Variants in RBFOX3 observed in about 807,000 individuals in gnomAD.
RBFOX3 encodes the protein RNA binding fox-1 homolog 3, also known as RNA binding protein fox-1 homolog 3.
A neutral mutation model predicts 48.7 loss-of-function variants in RBFOX3; 17 were observed. The ratio of observed to expected loss-of-function variants is 0.35; its 90% confidence interval spans 0.24 to 0.52. The LOEUF (loss-of-function observed/expected upper bound fraction) is 0.52, where lower values mean the gene tolerates loss of function less well. RBFOX3 is among the 20% of genes least tolerant of loss of function. The pLI, the probability that RBFOX3 is intolerant of heterozygous loss-of-function variation, is 0.94. For missense variants in RBFOX3, 382 were observed against 497.5 expected, an observed-to-expected ratio of 0.77 and a Z score of 2.21; for synonymous variants, 212 against 209.5, an observed-to-expected ratio of 1.01 and a Z score of -0.10.
intron 3 of RBFOX3, among the ~76,000 whole-genome samples, chr17:79,277,309 G>GC (rs1462007613): frequency 3.5e-5 from 5 of 142,112 alleles, no homozygotes; most frequent in South Asian, 2.3e-4. Context: ...GGGGAGGGGG[G>GC]GGGTAGTGCT....
chr17:79,634,292 G>A, the RBFOX3 span, among the ~76,000 whole-genome samples: 1 of 152,228 alleles, frequency 6.6e-6, no homozygotes, highest in Non-Finnish European at 1.5e-5. Context: ...TGGTGAGCAG[G>A]AAAGGCTGGG....
At chr17:79,093,687 C>T (rs1170377601) in intron 14 of RBFOX3, among the ~76,000 whole-genome samples, 5 of 152,156 alleles carry the variant, frequency 3.3e-5, no homozygotes, top group Non-Finnish European at 5.9e-5. Flanking sequence ...AGCTAAAACC[C>T]GTGTTCACAC....
rs938022784 is a variant in RBFOX3 at position 79,391,053 on chromosome 17, C to G, written c.-174-83229G>C. ...TGTCTCTTCAAAGTCTCTCTTCTAC[C>G]CACTGCCATGGGAGCCTTCGCACCT... On this transcript the variant is annotated intron_variant, in intron 2 of 14. Transcript: ENST00000693108. This position sits in a 1 kb window ranked among gnomAD's most constrained non-coding sequence, Gnocchi z 5.0. Among the ~76,000 whole-genome samples, 1 of 152,210 alleles carries G rather than the reference C, an allele frequency of 6.6e-6. No homozygotes were observed. The highest frequency in any genetic ancestry group is 1.5e-5 in the Non-Finnish European group (1 of 68,038).
At chr17:79,512,551 C>T (rs1168363377) in intron 1 of RBFOX3, among the ~76,000 whole-genome samples, 1 of 149,302 alleles carries the variant, frequency 6.7e-6, no homozygotes, top group Non-Finnish European at 1.5e-5. Flanking sequence ...GGTACAGCCC[C>T]ATGGCCAGGG....
chr17:79,092,623 C>T (rs1453173422), intron 14 of RBFOX3: 8 of 987,562 alleles, frequency 8.1e-6, no homozygotes, highest in Non-Finnish European at 2.4e-6. Context: ...CGGCTGTACC[C>T]TCCTCGGCAG....
At chr17:79,394,069 C>T (rs9747124) in intron 2 of RBFOX3, among the ~76,000 whole-genome samples, 3 of 149,550 alleles carry the variant, frequency 2.0e-5, no homozygotes, top group Middle Eastern at 7.0e-3. Context: ...CATCCGAGCC[C>T]GTCATCATAC....
intron 2 of RBFOX3, among the ~76,000 whole-genome samples, chr17:79,341,760 C>A (rs188348048): frequency 6.0e-4 from 92 of 152,326 alleles, no homozygotes; most frequent in Middle Eastern, 3.4e-3. Context: ...CCTGCATAAC[C>A]ATCTTAACAG....
intron 14 of RBFOX3, chr17:79,092,476 C>T (rs558656748): frequency 1.9e-5 from 19 of 985,898 alleles, no homozygotes; most frequent in African/African-American, 1.2e-4. Context: ...GGGGGCCAGC[C>T]GTGCGTGTCG....
chr17:79,142,657 C>T (rs1485873444), intron 4 of RBFOX3, among the ~76,000 whole-genome samples: 1 of 152,140 alleles, frequency 6.6e-6, no homozygotes, highest in East Asian at 1.9e-4. Flanking sequence ...CGTAGACTGG[C>T]TGGCCAGCTG....
At chr17:79,164,447 C>A (rs142735221) in intron 4 of RBFOX3, among the ~76,000 whole-genome samples, 1 of 152,106 alleles carries the variant, frequency 6.6e-6, no homozygotes, top group Non-Finnish European at 1.5e-5. Flanking sequence ...AGGGGCTCTG[C>A]GGCCTGGTGA....
At chr17:79,163,073 C>A (rs1462469899) in intron 4 of RBFOX3, among the ~76,000 whole-genome samples, 2 of 152,172 alleles carry the variant, frequency 1.3e-5, no homozygotes, top group Non-Finnish European at 2.9e-5. Context: ...CACCTCACTG[C>A]CAAGCTGAAA....
intron 3 of RBFOX3, among the ~76,000 whole-genome samples, chr17:79,281,717 T>C (rs2070577502): frequency 6.6e-6 from 1 of 152,268 alleles, no homozygotes; most frequent in African/African-American, 2.4e-5. Context: ...CAATGGTGTA[T>C]GCATTTAACT....
chr17:79,157,288 T>C (rs909965863), intron 4 of RBFOX3, among the ~76,000 whole-genome samples: 3 of 152,200 alleles, frequency 2.0e-5, no homozygotes, highest in African/African-American at 4.8e-5. Context: ...CTGTCCACTC[T>C]GCAGCTGGCC....
At chr17:79,389,242 C>T (rs978461097) in intron 2 of RBFOX3, among the ~76,000 whole-genome samples, 2 of 152,170 alleles carry the variant, frequency 1.3e-5, no homozygotes, top group Non-Finnish European at 2.9e-5. Flanking sequence ...TGGTGTGCAA[C>T]GAGAGTTGGT....
chr17:79,284,225 G>A (rs188021768), intron 3 of RBFOX3, among the ~76,000 whole-genome samples: 3 of 152,198 alleles, frequency 2.0e-5, no homozygotes, highest in Admixed American at 6.5e-5. Flanking sequence ...CGTGAGCATC[G>A]GCACGAGTGG....
intron 3 of RBFOX3, among the ~76,000 whole-genome samples, chr17:79,293,462 T>TCCTTC (rs1307383167): frequency 8.5e-4 from 84 of 98,660 alleles, no homozygotes; most frequent in African/African-American, 3.9e-3. Flanking sequence ...CTTCCTTCCT[T>TCCTTC]CCTTCCCTTC....
At chr17:79,319,434 C>A (rs1426572355) in intron 2 of RBFOX3, among the ~76,000 whole-genome samples, 1 of 152,234 alleles carries the variant, frequency 6.6e-6, no homozygotes, top group Non-Finnish European at 1.5e-5. Context: ...GGTGATGACC[C>A]AGGGCTCGGC....
intron 1 of RBFOX3, among the ~76,000 whole-genome samples, chr17:79,531,018 C>A (rs2087677432): frequency 6.6e-6 from 1 of 152,234 alleles, no homozygotes; most frequent in Non-Finnish European, 1.5e-5. Flanking sequence ...TATTCTTGGC[C>A]CTCTACCCTA....
In RBFOX3 at chr17:79,199,313, G is replaced by A. The variant is rs2056346696; in HGVS notation, c.-34+36453C>T. On this transcript the variant is annotated intron_variant, in intron 4 of 14. Coordinates refer to ENST00000693108, the MANE Select transcript of RBFOX3 (RefSeq NM_001350451.2). This position sits in a 1 kb window ranked among gnomAD's most constrained non-coding sequence, Gnocchi z 5.1. ...ACTTCACACCTGCACGGCACCTCCT[G>A]GCTCTCATTCATCCTGCCCTTCTTC... is the stretch of plus-strand genomic sequence containing the variant. Among the ~76,000 whole-genome samples the A allele has an allele frequency of 6.6e-6, 1 of 152,166 alleles. No homozygotes were observed. Among genetic ancestry groups the A allele is most frequent in the Admixed American group, 6.5e-5 (1 of 15,274 alleles).
Sources: allele counts gnomAD v4.1 joint callset (sites outside exome capture counted in the v4.1 genomes callset), GRCh38; gene constraint gnomAD v4.1.1; non-coding constraint Gnocchi (gnomAD v3.1); transcripts MANE v1.5; gene names NCBI Gene and HGNC (gene_info 2026-07-23, HGNC 2026-07-21).